Variants in SMARCAD1 observed in about 807,000 individuals in gnomAD.
SMARCAD1 encodes the protein SWI/SNF-related matrix-associated actin-dependent regulator of chromatin subfamily A containing DEAD/H box 1.
SMARCAD1 carries 25 observed loss-of-function variants against 127.1 expected under a neutral mutation model. The ratio of observed to expected loss-of-function variants is 0.20; its 90% confidence interval spans 0.14 to 0.27. The LOEUF is 0.27. SMARCAD1 is among the 10% of genes least tolerant of loss of function. SMARCAD1 has a pLI of 1.00. For synonymous variants in SMARCAD1, 400 were observed against 396.9 expected (o/e 1.01, Z -0.09); for missense variants, 807 against 1,206.0 (o/e 0.67, Z 4.90).
At chr4:94,275,697 AAAAT>A (rs2125987466) in intron 14 of SMARCAD1, among the ~76,000 whole-genome samples, 1 of 152,274 alleles carries the variant, frequency 6.6e-6, no homozygotes, top group South Asian at 2.1e-4. Flanking sequence ...TGTGCTTATT[AAAAT>A]ATAACACTTC....
Position 94,263,325 on chromosome 4 carries a change from TA to T in SMARCAD1, c.1282-1380del, listed in dbSNP as rs572320636. The stretch of plus-strand genomic sequence containing the variant: ...ATAAAAGTATTTTAGCTAAAAGTTC[TA>T]ATAGAACCTCCTTAAGACACTGATT... On this transcript the variant is annotated intron_variant, in intron 9 of 23. Transcript: ENST00000354268. 6.5e-3 allele frequency among the ~76,000 whole-genome samples: 995 copies of T among 152,232 alleles called. 4 individuals carry two copies. The highest frequency in any genetic ancestry group is 0.054 in the Middle Eastern group (16 of 294).
At chr4:94,249,551 T>C (rs1748957329) in intron 6 of SMARCAD1, 103 bp from the exon 7 acceptor site, 7 of 721,942 alleles carry the variant, frequency 9.7e-6, no homozygotes, top group Non-Finnish European at 1.3e-5. Context: ...TTCTGACTGA[T>C]GATGATAATT....
Position 94,278,697 on chromosome 4 carries a change from C to T in SMARCAD1, c.2260C>T (p.Leu754Phe). 1 of 1,613,864 alleles carries T rather than the reference C, an allele frequency of 6.2e-7. No homozygotes were observed. Among genetic ancestry groups the T allele is most frequent in the Non-Finnish European group, 8.5e-7 (1 of 1,179,924 alleles). Residue 754 changes from leucine (L) to phenylalanine (F), a missense_variant, in exon 18 of 24, where the codon CTT becomes TTT. By Grantham distance (22) the Leu-to-Phe change is conservative. Around this residue, in one of 8 missense-constraint regions of SMARCAD1, gnomAD observed 99 missense variants for 126.0 expected, o/e 0.79. Coordinates refer to ENST00000354268, the MANE Select transcript of SMARCAD1 (RefSeq NM_020159.5). The part of the protein sequence containing the change: ...SEKQEQLYLG[L>F]FNRLKKSINN... ...GAAGCAGGAGCAACTCTATTTGGGTCTTTTCAACAGATTGAAAAAATCTAT... is the reference window on the plus strand; with the variant it reads ...GAAGCAGGAGCAACTCTATTTGGGTTTTTTCAACAGATTGAAAAAATCTAT...
intron 3 of SMARCAD1, among the ~76,000 whole-genome samples, chr4:94,233,267 CTA>C (rs1746130652): frequency 6.6e-6 from 1 of 152,164 alleles, no homozygotes; most frequent in African/African-American, 2.4e-5. Flanking sequence ...GTTCTGATCT[CTA>C]GAGTGCCTAC....
chr4:94,275,568 A>C (rs1046893256), intron 14 of SMARCAD1, among the ~76,000 whole-genome samples: 4 of 152,106 alleles, frequency 2.6e-5, no homozygotes, highest in Non-Finnish European at 5.9e-5. Context: ...TTAATAAAAC[A>C]GGCTCCATAT....
chr4:94,224,307 ATAG>A (rs1258109468), intron 2 of SMARCAD1, among the ~76,000 whole-genome samples: 3 of 152,192 alleles, frequency 2.0e-5, no homozygotes, highest in African/African-American at 7.2e-5. Context: ...TCTAGAGCAA[ATAG>A]TAGTTGTATA....
chr4:94,211,220 C>T (rs1316262102), intron 2 of SMARCAD1, among the ~76,000 whole-genome samples: 3 of 151,986 alleles, frequency 2.0e-5, no homozygotes, highest in Admixed American at 6.6e-5. Flanking sequence ...TGCAGTGAGC[C>T]GAGATTGTGC....
chr4:94,280,443 T>A (rs746310337), intron 19 of SMARCAD1, 149 bp from the exon 20 acceptor site: 1 of 665,494 alleles, frequency 1.5e-6, no homozygotes, highest in African/African-American at 1.8e-5. Context: ...CCTAAAAGAT[T>A]AATACTAATT....
chr4:94,221,676 A>G (rs972345235), intron 2 of SMARCAD1, among the ~76,000 whole-genome samples: 13 of 152,338 alleles, frequency 8.5e-5, no homozygotes, highest in African/African-American at 2.9e-4. Context: ...TTGGATATAT[A>G]GTTTTCATGA....
Position 94,220,167 on chromosome 4 carries a change from A to G in SMARCAD1, c.191-5952A>G, listed in dbSNP as rs545996183. 4.6e-5 allele frequency among the ~76,000 whole-genome samples: 7 copies of G among 152,334 alleles called. 1 individual carries two copies. The South Asian group carries it at 1.4e-3, about 32-fold the overall frequency. On this transcript the variant is annotated intron_variant, in intron 2 of 23. Transcript: ENST00000354268. The stretch of plus-strand genomic sequence containing the variant: ...AAAATAGTCCAGATAAACAAATCTA[A>G]GTGTTCAGCACTATTCTAATTCTGA...
At chr4:94,236,035 A>G (rs1746597625) in intron 4 of SMARCAD1, among the ~76,000 whole-genome samples, 1 of 152,162 alleles carries the variant, frequency 6.6e-6, no homozygotes, top group African/African-American at 2.4e-5. Context: ...AAATTACTCA[A>G]CAAAAGGTTT....
chr4:94,210,665 C>T (rs960359123), intron 2 of SMARCAD1, among the ~76,000 whole-genome samples: 1 of 152,012 alleles, frequency 6.6e-6, no homozygotes, highest in Non-Finnish European at 1.5e-5. Context: ...GATTTTTATG[C>T]GCGGTGGCTG....
At chr4:94,218,012 T>C (rs1351995658) in intron 2 of SMARCAD1, among the ~76,000 whole-genome samples, 1 of 152,204 alleles carries the variant, frequency 6.6e-6, no homozygotes, top group African/African-American at 2.4e-5. Context: ...AAAAACACTG[T>C]TCTACATCTT....
intron 5 of SMARCAD1, among the ~76,000 whole-genome samples, chr4:94,239,558 T>TTG (rs1289315574): frequency 1.9e-5 from 2 of 107,106 alleles, no homozygotes; most frequent in African/African-American, 3.0e-5. Context: ...AGCTGCCCTG[T>TTG]TGTGTTTTTT....
At chr4:94,276,772 A>G (rs1269401811) in intron 15 of SMARCAD1, among the ~76,000 whole-genome samples, 1 of 152,186 alleles carries the variant, frequency 6.6e-6, no homozygotes. Flanking sequence ...ATCTTTCATC[A>G]TCTCATAAAG....
chr4:94,264,861 A>T lies in SMARCAD1; in HGVS notation c.1436A>T (p.Asn479Ile). The T allele has an allele frequency of 6.2e-7, 1 of 1,613,036 alleles. No individual in the cohort carries two copies. The change falls in exon 10 of 24, where the codon AAT (asparagine) becomes ATT (isoleucine). Residue 479 changes from asparagine (N) to isoleucine (I), a missense_variant. Asn to Ile is a moderately radical substitution (Grantham distance 149, BLOSUM62 -3). Around this residue, in one of 8 missense-constraint regions of SMARCAD1, gnomAD observed 257 missense variants for 303.4 expected, o/e 0.85. Coordinates refer to ENST00000354268, the MANE Select transcript of SMARCAD1 (RefSeq NM_020159.5). ...LTKQVTMLTGNGGGWNIEQPS... is the reference protein window; with the variant it reads ...LTKQVTMLTGIGGGWNIEQPS... ...AAACAAGTTACCATGCTTACTGGAA[A>T]TGGAGGTGGATGGAACATAGAACAA...
intron 9 of SMARCAD1, among the ~76,000 whole-genome samples, chr4:94,260,149 A>C (rs1170742071): frequency 6.6e-6 from 1 of 152,044 alleles, no homozygotes; most frequent in Non-Finnish European, 1.5e-5. Flanking sequence ...AACATGTTCC[A>C]CTGGACTAGT....
At chr4:94,225,617 A>G (rs1034033917) in intron 2 of SMARCAD1, among the ~76,000 whole-genome samples, 4 of 152,214 alleles carry the variant, frequency 2.6e-5, no homozygotes, top group Admixed American at 1.3e-4. Flanking sequence ...CCACATATTC[A>G]TAAGAGCTAA....
intron 21 of SMARCAD1, among the ~76,000 whole-genome samples, chr4:94,282,343 G>T (rs549961622): frequency 2.0e-5 from 3 of 151,140 alleles, no homozygotes; most frequent in Non-Finnish European, 2.9e-5. Flanking sequence ...TGATCCGCCC[G>T]CCTCGGCCTC....
Sources: gnomAD v4.1 joint callset for allele counts (sites outside exome capture counted in the v4.1 genomes callset) on GRCh38, gnomAD v4.1.1 for gene constraint, gnomAD v4.1.1 regional missense constraint, MANE v1.5 for transcripts, NCBI Gene and HGNC (gene_info 2026-07-23, HGNC 2026-07-21) for gene names.